Variants in CLCNKB observed in about 807,000 individuals in gnomAD.
CLCNKB encodes the protein chloride voltage-gated channel Kb.
Under a neutral mutation model 83.8 loss-of-function variants are expected in CLCNKB, and 74 were observed. That is an observed-to-expected ratio of 0.88 (90% CI 0.73 to 1.07). CLCNKB has a LOEUF of 1.07. CLCNKB is among the 50% of genes least tolerant of loss of function. The pLI is 0.00. For missense variants in CLCNKB, 798 were observed against 893.6 expected, an observed-to-expected ratio of 0.89 and a Z score of 1.36; for synonymous variants, 358 against 356.6, an observed-to-expected ratio of 1.00 and a Z score of -0.04.
At chr1:16,055,320 T>G (rs2023404598) in intron 16 of CLCNKB, 115 bp from the exon 17 acceptor site, 2 of 851,560 alleles carry the variant, frequency 2.3e-6, no homozygotes, top group East Asian at 5.2e-5. Flanking sequence ...GTGACAATAG[T>G]CACAATAGCC....
In CLCNKB at chr1:16,046,665, T is replaced by C; in HGVS notation, c.358+2T>C. On this transcript the variant is annotated splice_donor_variant, in intron 4 of 19. Coordinates refer to ENST00000375679, the MANE Select transcript of CLCNKB (RefSeq NM_000085.5). LOFTEE classifies it high-confidence loss of function. ...AGAGCATCACACCCTCCTCTGGAGG[T>C]GAGTCCACAGTCGCTACGCCAGTCC... 1 of 1,613,496 alleles carries C rather than the reference T, an allele frequency of 6.2e-7. No individual in the cohort carries two copies. Among genetic ancestry groups the C allele is most frequent in the Non-Finnish European group, 8.5e-7 (1 of 1,179,858 alleles).
rs562688255 is a variant in CLCNKB, at chr1:16,050,585, C to T, written c.1038C>T (p.Arg346=). The change falls in exon 11 of 20, where the codon CGC becomes CGT. Residue 346 remains arginine (R), a synonymous_variant. Coordinates refer to ENST00000375679, the MANE Select transcript of CLCNKB (RefSeq NM_000085.5). The part of the protein sequence containing the change: ...ASITYPPSAG[R]FLASRLSMKQ... ...TCACCTACCCACCCAGCGCCGGCCG[C>T]TTCCTAGCTTCTCGGGTAAGGGGCC... is the stretch of plus-strand genomic sequence containing the variant. The T allele has an allele frequency of 2.5e-6, 4 of 1,614,110 alleles. No individual in the cohort carries two copies. Among genetic ancestry groups the T allele is most frequent in the South Asian group, 2.2e-5 (2 of 91,088 alleles).
chr1:16,044,801 T>G (rs2023049493), intron 2 of CLCNKB, among the ~76,000 whole-genome samples: 1 of 152,204 alleles, frequency 6.6e-6, no homozygotes, highest in African/African-American at 2.4e-5. Flanking sequence ...ATCTGCCCTC[T>G]GCCTTTCGGG....
At chr1:16,049,041 G>T (rs952393915) in intron 7 of CLCNKB, 79 bp from the exon 8 acceptor site, 7 of 1,612,220 alleles carry the variant, frequency 4.3e-6, no homozygotes, top group Non-Finnish European at 5.9e-6. Flanking sequence ...GGTCAGGGAG[G>T]AGGTGACATG....
At chr1:16,045,176 G>A (rs7368136) in intron 2 of CLCNKB, among the ~76,000 whole-genome samples, 16,831 of 152,158 alleles carry the variant, frequency 0.11, 1,062 homozygotes, top group Non-Finnish European at 0.13. Flanking sequence ...CCTGGGACAC[G>A]CAGGAGTCTG....
In CLCNKB at chr1:16,052,235, C is replaced by G; in HGVS notation, c.1446C>G (p.Ile482Met). ...TCTCAGGGGCTGTGACCCACACCATCTCCACGGCGCTGCTGGCCTTCGAGG... is the reference window on the plus strand; with the variant it reads ...TCTCAGGGGCTGTGACCCACACCATGTCCACGGCGCTGCTGGCCTTCGAGG... ...AAFSGAVTHT[I>M]STALLAFEVT... Residue 482 changes from isoleucine (I) to methionine (M), a missense_variant, in exon 15 of 20, where the codon ATC becomes ATG. Physicochemically the swap from Ile to Met is conservative, Grantham distance 10 (BLOSUM62 1). Coordinates refer to ENST00000375679, the MANE Select transcript of CLCNKB (RefSeq NM_000085.5). 6.2e-7 allele frequency: 1 copy of G among 1,613,286 alleles called. No individual in the cohort carries two copies. The highest frequency in any genetic ancestry group is 1.1e-5 in the South Asian group (1 of 91,078).
At chr1:16,049,397 A>C in intron 8 of CLCNKB, 152 bp downstream of exon 8, 2 of 1,522,608 alleles carry the variant, frequency 1.3e-6, no homozygotes, top group Non-Finnish European at 1.8e-6. Flanking sequence ...GGGAGGATGG[A>C]GGGGGCTGAC....
chr1:16,046,690 C>T (rs1368391834), intron 4 of CLCNKB, 27 bp downstream of exon 4: 3 of 1,562,288 alleles, frequency 1.9e-6, no homozygotes, highest in East Asian at 4.8e-5. Context: ...TACGCCAGTC[C>T]CCACTGGCCA....
chr1:16,055,555 C>CGGGGGTGGGGGG, intron 17 of CLCNKB, 32 bp downstream of exon 17: 2 of 697,166 alleles, frequency 2.9e-6, no homozygotes, highest in Non-Finnish European at 4.9e-6. Flanking sequence ...GGGGATGGGG[C>CGGGGGTGGGGGG]GGGGGTGGGT....
Position 16,051,772 on chromosome 1 carries a change from G to A in CLCNKB, c.1360G>A (p.Ala454Thr). ...TTTTATCTTCCCTGAGGGCATCGTG[G>A]CTGGAGGGATCACCAATCCCATCAT... ...LSFIFPEGIV[A>T]GGITNPIMPG... The change falls in exon 14 of 20, where the codon GCT becomes ACT. Residue 454 changes from alanine to threonine, a missense_variant. Transcript: ENST00000375679. The A allele has an allele frequency of 6.2e-7, 1 of 1,613,934 alleles. No individual in the cohort carries two copies. The highest frequency in any genetic ancestry group is 1.6e-4 in the Middle Eastern group (1 of 6,062).
chr1:16,044,336 C>T (rs563935954), intron 1 of CLCNKB, 150 bp from the exon 2 acceptor site: 2 of 586,734 alleles, frequency 3.4e-6, no homozygotes, highest in East Asian at 3.2e-5. Context: ...CACACACAGA[C>T]CTAGTGTGAT....
At chr1:16,052,150 G>A (rs780479454) in intron 14 of CLCNKB, 48 bp from the exon 15 acceptor site, 3 of 1,608,040 alleles carry the variant, frequency 1.9e-6, no homozygotes, top group African/African-American at 2.7e-5. Context: ...GCCCTAACAT[G>A]AGGCTGGCCC....
chr1:16,046,114 G>A (rs1217923399), intron 3 of CLCNKB, among the ~76,000 whole-genome samples: 2 of 152,206 alleles, frequency 1.3e-5, no homozygotes, highest in Admixed American at 6.5e-5. Context: ...GGCAGGAAGG[G>A]TCTAAGACAC....
rs759619946 is a variant in CLCNKB at position 16,046,595 on chromosome 1, C to CT, written c.291dup (p.Val98CysfsTer95). 6.2e-7 allele frequency: 1 copy of CT among 1,614,154 alleles called. No homozygotes were observed. The highest frequency in any genetic ancestry group is 8.5e-7 in the Non-Finnish European group (1 of 1,180,006). The stretch of plus-strand genomic sequence containing the variant: ...CACCTGCTCCGGTATCTCTCCTGGA[C>CT]TGTGTACCCTGTGGCCCTCGTCTCT... On this transcript the variant is annotated frameshift_variant, in exon 4 of 20. Coordinates refer to ENST00000375679, the MANE Select transcript of CLCNKB (RefSeq NM_000085.5). LOFTEE classifies it high-confidence loss of function.
intron 3 of CLCNKB, 47 bp from the exon 4 acceptor site, chr1:16,046,488 G>C (rs1211635343): frequency 6.2e-7 from 1 of 1,611,426 alleles, no homozygotes; most frequent in South Asian, 1.1e-5. Context: ...CTGGCCCCGA[G>C]GGCTGCAGAG....
rs751020964 is a variant in CLCNKB, at chr1:16,046,580, G to A, written c.275G>A (p.Arg92Gln). 14 of 1,613,994 alleles carry A rather than the reference G, an allele frequency of 8.7e-6. No individual in the cohort carries two copies. Among genetic ancestry groups the A allele is most frequent in the African/African-American group, 1.3e-5 (1 of 74,884 alleles). Residue 92 changes from arginine to glutamine, a missense_variant, in exon 4 of 20, where the codon CGG becomes CAG. Coordinates refer to ENST00000375679, the MANE Select transcript of CLCNKB (RefSeq NM_000085.5). ...GAGATTGGGGACAGCCACCTGCTCC[G>A]GTATCTCTCCTGGACTGTGTACCCT... ...YREIGDSHLL[R>Q]YLSWTVYPVA...
At chr1:16,048,185 G>T in intron 5 of CLCNKB, 141 bp downstream of exon 5, 7 of 1,431,886 alleles carry the variant, frequency 4.9e-6, no homozygotes, top group African/African-American at 1.4e-5. Context: ...GGGGGAAGAG[G>T]CAGGCCAGGT....
In CLCNKB at chr1:16,056,853, C is replaced by T. The variant is rs61769892; in HGVS notation, c.2017-16C>T. 364,236 of 1,414,804 alleles carry T rather than the reference C, an allele frequency of 0.26. 53,304 individuals are homozygous for T. The highest frequency in any genetic ancestry group is 0.41 in the Admixed American group (22,998 of 55,632). 87.6% of individuals were successfully genotyped at this position (1,414,804 alleles called of 1,614,324 possible). ...TCTACATCCCCCCGCACCTCCACCC[C>T]CTTTCTCTGTTCTAGATGAAGAAAG... On this transcript the variant is annotated splice_polypyrimidine_tract_variant and intron_variant, in intron 19 of 19. Transcript: ENST00000375679.
intron 3 of CLCNKB, among the ~76,000 whole-genome samples, 180 bp downstream of exon 3, chr1:16,045,866 G>A (rs1570328744): frequency 6.6e-6 from 1 of 152,156 alleles, no homozygotes; most frequent in East Asian, 1.9e-4. Flanking sequence ...CCCTCTCTGG[G>A]CCTCAGTCAT....
Sources: allele counts gnomAD v4.1 joint callset (sites outside exome capture counted in the v4.1 genomes callset), GRCh38; gene constraint gnomAD v4.1.1; transcripts MANE v1.5; gene names NCBI Gene and HGNC (gene_info 2026-07-23, HGNC 2026-07-21).